Variants in ZNF20 observed in about 807,000 individuals in gnomAD.
The protein encoded by ZNF20 is zinc finger protein KOX13.
A neutral mutation model predicts 11.0 loss-of-function variants in ZNF20; 9 were observed. The ratio of observed to expected loss-of-function variants is 0.82; its 90% CI spans 0.49 to 1.43. The LOEUF (loss-of-function observed/expected upper bound fraction) is 1.43. Ranked by LOEUF, ZNF20 falls within the 40% of genes most tolerant of loss-of-function variation. ZNF20 has a pLI of 0.00. For synonymous variants in ZNF20, 182 were observed against 213.0 expected (o/e 0.85, Z 1.27); for missense variants, 528 against 640.8 (o/e 0.82, Z 1.90).
intron 1 of ZNF20, 172 bp from the exon 2 acceptor site, chr19:12,136,076 G>A (rs1976706486): frequency 1.1e-6 from 1 of 881,766 alleles, no homozygotes; most frequent in Non-Finnish European, 1.6e-6. Flanking sequence ...CCCTTTTTTT[G>A]TTAAGAGAGA....
rs1421890114 is a variant in ZNF20 at position 12,139,748 on chromosome 19, T to G, written c.3+432A>C. ...GGTTTCACTGTGTTAGCCTGGATGG[T>G]CTCGATCTCCTGACTTCGTGATCCG... On this transcript the variant is annotated intron_variant, in intron 1 of 3. Coordinates refer to ENST00000334213, the MANE Select transcript of ZNF20 (RefSeq NM_021143.4). The surrounding 1 kb of genome is among the most constrained non-coding windows in gnomAD (Gnocchi z 4.0). Among the ~76,000 whole-genome samples, 1 of 151,956 alleles carries G rather than the reference T, an allele frequency of 6.6e-6. No individual in the cohort carries two copies. Among genetic ancestry groups the G allele is most frequent in the African/African-American group, 2.4e-5 (1 of 41,376 alleles).
Position 12,134,630 on chromosome 19 carries a change from G to C in ZNF20, c.201-645C>G, listed in dbSNP as rs556018342. ...TCCACTCCCGCCTGGGTGACACAGC[G>C]AGACTCTTGTCTCAAAAAAGAAGAA... On this transcript the variant is annotated intron_variant, in intron 3 of 3. Transcript: ENST00000334213. Among the ~76,000 whole-genome samples the C allele has an allele frequency of 3.3e-5, 5 of 152,272 alleles. No homozygotes were observed. The East Asian group carries it at 7.7e-4, about 23-fold the overall frequency.
Position 12,133,205 on chromosome 19 carries a change from T to C in ZNF20, c.981A>G (p.Gln327=). 1 of 1,613,462 alleles carries C rather than the reference T, an allele frequency of 6.2e-7. No individual in the cohort carries two copies. The highest frequency in any genetic ancestry group is 8.5e-7 in the Non-Finnish European group (1 of 1,179,660). The change falls in exon 4 of 4, where the codon CAA becomes CAG. Residue 327 remains glutamine (Q), a synonymous_variant. Transcript: ENST00000334213. The part of the protein sequence containing the change: ...GKAFRCGSHL[Q]KHGRTHTGEK... ...CTCCAGTGTGAGTCCTTCCATGCTT[T>C]TGAAGGTGTGAGCCACATCTAAAGG...
chr19:12,134,030 A>C (rs761598003), intron 3 of ZNF20, 45 bp from the exon 4 acceptor site: 2 of 1,530,254 alleles, frequency 1.3e-6, no homozygotes, highest in African/African-American at 1.4e-5. Context: ...TTTGATTAAA[A>C]GTGACTTATA....
intron 1 of ZNF20, chr19:12,137,280 C>G (rs535721067): frequency 6.9e-6 from 1 of 144,610 alleles, no homozygotes; most frequent in African/African-American, 2.6e-5. Flanking sequence ...CCAGCCTGGG[C>G]GACAGAAAGA....
In ZNF20 at chr19:12,131,759, AAC is replaced by A. The variant is rs1976626328; in HGVS notation, c.*826_*827del. ...TAATTGTTAGTATGCAGTTGTTATAAACAGTTAATAAGCTTATTTCTAAAATA... is the reference window on the plus strand; with the variant it reads ...TAATTGTTAGTATGCAGTTGTTATAAAGTTAATAAGCTTATTTCTAAAATA... On this transcript the variant is annotated 3_prime_UTR_variant, in exon 4 of 4. Coordinates refer to ENST00000334213, the MANE Select transcript of ZNF20 (RefSeq NM_021143.4). 2 of 152,344 alleles carry A rather than the reference AAC, an allele frequency of 1.3e-5. No individual in the cohort carries two copies. Among genetic ancestry groups the A allele is most frequent in the South Asian group, 2.1e-4 (1 of 4,830 alleles). The allele number at this position is 152,344 out of a possible 1,614,324, so 9.4% of individuals were successfully genotyped here. A position where few individuals can be genotyped will look rare whatever the true frequency, so the allele number is the denominator to read the frequency against.
intron 3 of ZNF20, among the ~76,000 whole-genome samples, 160 bp from the exon 4 acceptor site, chr19:12,134,145 G>A (rs1308581618): frequency 6.6e-6 from 1 of 151,944 alleles, no homozygotes; most frequent in Non-Finnish European, 1.5e-5. Context: ...CCAACATGGT[G>A]AAACCCCGTC....
At chr19:12,137,001 T>C (rs2145600949) in intron 1 of ZNF20, 2 of 321,272 alleles carry the variant, frequency 6.2e-6, no homozygotes, top group South Asian at 4.9e-5. Context: ...CACTTTCTTA[T>C]AACAGAAGAA....
intron 1 of ZNF20, chr19:12,136,777 A>G: frequency 2.5e-6 from 1 of 397,508 alleles, no homozygotes; most frequent in Non-Finnish European, 5.0e-6. Flanking sequence ...AATGGAAAAC[A>G]GCAGATTCTG....
intron 3 of ZNF20, 100 bp downstream of exon 3, chr19:12,135,400 A>G (rs973091439): frequency 2.7e-5 from 35 of 1,274,324 alleles, no homozygotes; most frequent in Admixed American, 9.9e-5. Context: ...TCGACCTCCC[A>G]AAGTGCTGGG....
rs1256752347 is a variant in ZNF20 at position 12,139,532 on chromosome 19, A to C, written c.3+648T>G. 6.9e-6 allele frequency among the ~76,000 whole-genome samples: 1 copy of C among 145,516 alleles called. No individual in the cohort carries two copies. Among genetic ancestry groups the C allele is most frequent in the African/African-American group, 2.5e-5 (1 of 39,978 alleles). ...AATCGCTGTTTGCTCAAACTCTTTA[A>C]ATTTTTTTTTTTTTTTGAGATGGAA... On this transcript the variant is annotated intron_variant, in intron 1 of 3. Coordinates refer to ENST00000334213, the MANE Select transcript of ZNF20 (RefSeq NM_021143.4). The surrounding 1 kb of genome is among the most constrained non-coding windows in gnomAD (Gnocchi z 4.0).
At position 12,132,580 on chromosome 19, in the gene ZNF20, G is replaced by C; in HGVS notation, c.*7C>G. The C allele has an allele frequency of 6.4e-7, 1 of 1,557,680 alleles. No individual in the cohort carries two copies. Among genetic ancestry groups the C allele is most frequent in the Non-Finnish European group, 8.6e-7 (1 of 1,156,352 alleles). On this transcript the variant is annotated 3_prime_UTR_variant, in exon 4 of 4. Coordinates refer to ENST00000334213, the MANE Select transcript of ZNF20 (RefSeq NM_021143.4). ...GCTTCTCCCGTTGCTTCCACTAAAA[G>C]GATTTCTCATCTATTAATGGTATGA...
rs145847204 is a variant in ZNF20 at position 12,133,174 on chromosome 19, G to C, written c.1012C>G (p.Pro338Ala). ...KHGRTHTGEK[P>A]YECRQCGKAF... The stretch of plus-strand genomic sequence containing the variant: ...TTACCACATTGCCTACATTCATAGG[G>C]TTTCTCTCCAGTGTGAGTCCTTCCA... The change falls in exon 4 of 4, where the codon CCC becomes GCC. Residue 338 changes from proline (P) to alanine (A), a missense_variant. Physicochemically the swap from Pro to Ala is conservative, Grantham distance 27. Transcript: ENST00000334213. 1 of 1,613,710 alleles carries C rather than the reference G, an allele frequency of 6.2e-7. No individual in the cohort carries two copies. Among genetic ancestry groups the C allele is most frequent in the African/African-American group, 1.3e-5 (1 of 74,982 alleles).
In ZNF20 at chr19:12,133,165, A is replaced by C; in HGVS notation, c.1021T>G (p.Cys341Gly). The stretch of plus-strand genomic sequence containing the variant: ...CTGAAGGCTTTACCACATTGCCTAC[A>C]TTCATAGGGTTTCTCTCCAGTGTGA... ...RTHTGEKPYECRQCGKAFRCT... is the reference protein window; with the variant it reads ...RTHTGEKPYEGRQCGKAFRCT... Residue 341 changes from cysteine (C) to glycine (G), a missense_variant, in exon 4 of 4, where the codon TGT becomes GGT. Transcript: ENST00000334213. The C allele has an allele frequency of 1.2e-6, 2 of 1,613,748 alleles. No individual in the cohort carries two copies. The highest frequency in any genetic ancestry group is 1.7e-6 in the Non-Finnish European group (2 of 1,179,732).
Position 12,132,350 on chromosome 19 carries a change from A to C in ZNF20, c.*237T>G. ...CCTCTCTCCCTGTGTGGGGCCTCTA[A>C]TATGTGACTGATGCCTTCCTTTTCT... On this transcript the variant is annotated 3_prime_UTR_variant, in exon 4 of 4. Transcript: ENST00000334213. 1 of 486,386 alleles carries C rather than the reference A, an allele frequency of 2.1e-6. No individual in the cohort carries two copies. The highest frequency in any genetic ancestry group is 3.6e-6 in the Non-Finnish European group (1 of 279,722). The allele number at this position is 486,386 out of a possible 1,614,324, so 30.1% of individuals were successfully genotyped here.
At chr19:12,134,664 G>A (rs1159015742) in intron 3 of ZNF20, among the ~76,000 whole-genome samples, 1 of 152,134 alleles carries the variant, frequency 6.6e-6, no homozygotes, top group Non-Finnish European at 1.5e-5. Flanking sequence ...AAAAAAACAT[G>A]ATTTATATCA....
intron 3 of ZNF20, 118 bp from the exon 4 acceptor site, chr19:12,134,103 C>T (rs1480942675): frequency 3.7e-6 from 3 of 807,302 alleles, no homozygotes; most frequent in Non-Finnish European, 5.7e-6. Context: ...GTGGGCAGAT[C>T]ACCTGAGGTC....
At chr19:12,136,801 C>T in intron 1 of ZNF20, 2 of 411,648 alleles carry the variant, frequency 4.9e-6, no homozygotes, top group South Asian at 1.8e-5. Flanking sequence ...ATAGTGAAAC[C>T]ACGACAAAGC....
At position 12,131,354 on chromosome 19, in the gene ZNF20, TC is replaced by T. The variant is rs1976619281; in HGVS notation, c.*1232del. ...AAATTGCAAACATACCCCAAATTTT[TC>T]TCTTCTCACGAAATGTGACTATCTT... On this transcript the variant is annotated 3_prime_UTR_variant, in exon 4 of 4. Transcript: ENST00000334213. The T allele has an allele frequency of 6.6e-6, 1 of 152,166 alleles. No individual in the cohort carries two copies. The highest frequency in any genetic ancestry group is 6.6e-5 in the Admixed American group (1 of 15,260). The allele number at this position is 152,166 out of a possible 1,614,324, so 9.4% of individuals were successfully genotyped here.
Sources: gnomAD v4.1 joint callset for allele counts (sites outside exome capture counted in the v4.1 genomes callset) on GRCh38, gnomAD v4.1.1 for gene constraint, Gnocchi (gnomAD v3.1) non-coding constraint, MANE v1.5 for transcripts, NCBI Gene and HGNC (gene_info 2026-07-23, HGNC 2026-07-21) for gene names.